The following SLC24A1 variants were observed in gnomAD, a reference collection of about 807,000 sequenced individuals.
The protein encoded by SLC24A1 is sodium/potassium/calcium exchanger 1.
Under a neutral mutation model 88.1 loss-of-function variants are expected in SLC24A1, and 52 were observed. That is an observed-to-expected ratio of 0.59 (90% CI 0.47 to 0.74). The LOEUF (loss-of-function observed/expected upper bound fraction) is 0.74, where lower values mean the gene tolerates loss of function less well. SLC24A1 is among the 30% of genes least tolerant of loss of function. SLC24A1 has a pLI of 0.00. For missense variants in SLC24A1, 1,173 were observed against 1,363.3 expected, an observed-to-expected ratio of 0.86 and a Z score of 2.20; for synonymous variants, 455 against 498.0, an observed-to-expected ratio of 0.91 and a Z score of 1.15.
At chr15:65,639,217 C>T (rs1455283551) in intron 3 of SLC24A1, among the ~76,000 whole-genome samples, 1 of 152,150 alleles carries the variant, frequency 6.6e-6, no homozygotes, top group African/African-American at 2.4e-5. Flanking sequence ...TCTTTGTGGA[C>T]TGTAAAGGGC....
rs184915931 is a variant in SLC24A1 at position 65,625,058 on chromosome 15, C to A, written c.978C>A (p.Ser326Arg). The change falls in exon 2 of 10, where the codon AGC becomes AGA. Residue 326 changes from serine (S) to arginine (R), a missense_variant. Coordinates refer to ENST00000261892, the MANE Select transcript of SLC24A1 (RefSeq NM_004727.3). Reference protein sequence around the residue: ...PATSEGQVTISTMTGSSPAET... With the variant: ...PATSEGQVTIRTMTGSSPAET... ...CCTCTGAGGGGCAGGTGACAATAAG[C>A]ACCATGACAGGCAGCAGCCCAGCAG... 104 of 1,613,800 alleles carry A rather than the reference C, an allele frequency of 6.4e-5. No individual in the cohort carries two copies. In the African/African-American group the frequency reaches 1.3e-3, roughly 20 times the overall value.
chr15:65,643,070 C>A, intron 4 of SLC24A1: 1 of 1,274,096 alleles, frequency 7.8e-7, no homozygotes, highest in South Asian at 1.2e-5. Context: ...GTTGTTGTTA[C>A]AGCTAAAAGT....
chr15:65,630,746 G>C (rs769863360), intron 2 of SLC24A1, among the ~76,000 whole-genome samples: 8 of 152,196 alleles, frequency 5.3e-5, no homozygotes, highest in Non-Finnish European at 1.0e-4. Context: ...CGAGGTGGGT[G>C]GATCACTTGA....
chr15:65,650,976 TC>T lies in SLC24A1; in HGVS notation c.2793+38del. On this transcript the variant is annotated intron_variant, in intron 7 of 9. Transcript: ENST00000261892. This position sits in a 1 kb window ranked among gnomAD's most constrained non-coding sequence, Gnocchi z 4.1. Reference sequence around the variant, plus strand: ...GCCCATCTGTATCTCAGACTCTTTATCCCCAGCAGGGCTGTGGGGTCTCTCG... The same window carrying T: ...GCCCATCTGTATCTCAGACTCTTTATCCCAGCAGGGCTGTGGGGTCTCTCG... 3.2e-6 allele frequency: 5 copies of T among 1,586,250 alleles called. No individual in the cohort carries two copies. Among genetic ancestry groups the T allele is most frequent in the Non-Finnish European group, 4.3e-6 (5 of 1,154,884 alleles).
At chr15:65,623,157 C>G (rs992730702) in intron 1 of SLC24A1, among the ~76,000 whole-genome samples, 1 of 152,170 alleles carries the variant, frequency 6.6e-6, no homozygotes, top group African/African-American at 2.4e-5. Context: ...ATAAAAAGGT[C>G]AAACTAACAG....
At chr15:65,611,441 CT>C in exon 1 of SLC24A1, 1 of 533,270 alleles carries the variant, frequency 1.9e-6, no homozygotes, top group African/African-American at 1.9e-5. Flanking sequence ...GGGCTCTTTC[CT>C]TCCCCTTCTG....
chr15:65,636,889 A>ATAATAATAATAG (rs1466909871), intron 2 of SLC24A1, among the ~76,000 whole-genome samples: 3 of 149,868 alleles, frequency 2.0e-5, no homozygotes, highest in African/African-American at 4.9e-5. Flanking sequence ...AATAATAATA[A>ATAATAATAATAG]TAATAGTAAT....
Position 65,624,586 on chromosome 15 carries a change from C to A in SLC24A1, c.506C>A (p.Thr169Lys). 6.3e-7 allele frequency: 1 copy of A among 1,594,434 alleles called. No individual in the cohort carries two copies. Among genetic ancestry groups the A allele is most frequent in the Non-Finnish European group, 8.5e-7 (1 of 1,170,454 alleles). Residue 169 changes from threonine to lysine, a missense_variant, in exon 2 of 10, where the codon ACA becomes AAA. Coordinates refer to ENST00000261892, the MANE Select transcript of SLC24A1 (RefSeq NM_004727.3). ...SRQIVKKYTP[T>K]PRGEMKSYSP... ...CAAATAGTAAAAAAGTATACCCCAA[C>A]ACCCAGGGGAGAAATGAAGAGCTAC... is the stretch of plus-strand genomic sequence containing the variant.
intron 5 of SLC24A1, 76 bp from the exon 6 acceptor site, chr15:65,645,536 T>G: frequency 8.9e-7 from 1 of 1,118,462 alleles, no homozygotes; most frequent in East Asian, 2.6e-5. Flanking sequence ...CTGTAGCCAC[T>G]TATGCCAGTG....
chr15:65,638,320 T>C, intron 3 of SLC24A1, 139 bp downstream of exon 3: 1 of 648,440 alleles, frequency 1.5e-6, no homozygotes, highest in Non-Finnish European at 2.8e-6. Flanking sequence ...GCTGCCAGGG[T>C]GAGGCAAGGG....
At chr15:65,642,901 C>T (rs1043505439) in intron 4 of SLC24A1, 32 of 852,914 alleles carry the variant, frequency 3.8e-5, no homozygotes, top group Admixed American at 7.2e-5. Context: ...CCAGCTTCTC[C>T]GTTTCCTCTC....
chr15:65,656,201 G>C lies in SLC24A1; in HGVS notation c.*2122G>C. ...AAGGAGTGATGGACCGTAAAATGCT[G>C]TGTAATGATAAAAGGCTGAAATATC... On this transcript the variant is annotated 3_prime_UTR_variant, in exon 10 of 10. Coordinates refer to ENST00000261892, the MANE Select transcript of SLC24A1 (RefSeq NM_004727.3). 1.0e-6 allele frequency: 1 copy of C among 984,622 alleles called. No individual in the cohort carries two copies. The highest frequency in any genetic ancestry group is 1.2e-6 in the Non-Finnish European group (1 of 829,228). 61.0% of individuals were successfully genotyped at this position (984,622 alleles called of 1,614,324 possible).
At position 65,654,099 on chromosome 15, in the gene SLC24A1, A is replaced by AATGGGC. The variant is rs774790748; in HGVS notation, c.*25_*30dup. On this transcript the variant is annotated 3_prime_UTR_variant, in exon 10 of 10. Coordinates refer to ENST00000261892, the MANE Select transcript of SLC24A1 (RefSeq NM_004727.3). ...GTCTGAATCAGTCACTCTTGCTCAC[A>AATGGGC]ATGGGCATGGATCAGAAGACCATGC... The AATGGGC allele has an allele frequency of 1.1e-5, 17 of 1,605,864 alleles. No individual in the cohort carries two copies. The South Asian group carries it at 1.9e-4, about 18-fold the overall frequency.
downstream of SLC24A1, chr15:65,660,354 CT>C (rs1566976109): frequency 3.3e-5 from 50 of 1,507,274 alleles, no homozygotes; most frequent in Non-Finnish European, 4.5e-5. Flanking sequence ...TTTTCTGCAG[CT>C]GAACTGATTC....
rs1226395831 is a variant in SLC24A1 at position 65,652,717 on chromosome 15, C to T, written c.2959C>T (p.Leu987Phe). ...TGCAGCAGGCACATCAATTCCTGAC[C>T]TCATCACCAGTGTGATTGTCGCTCG... ...ILAAGTSIPD[L>F]ITSVIVARKG... Residue 987 changes from leucine (L) to phenylalanine (F), a missense_variant, in exon 9 of 10, where the codon CTC (leucine) becomes TTC (phenylalanine). Transcript: ENST00000261892. 1 of 1,613,908 alleles carries T rather than the reference C, an allele frequency of 6.2e-7. No homozygotes were observed. The highest frequency in any genetic ancestry group is 1.1e-5 in the South Asian group (1 of 91,078).
Position 65,653,817 on chromosome 15 carries a change from T to C in SLC24A1, c.3051-13T>C, listed in dbSNP as rs1213170089. 3 of 1,612,672 alleles carry C rather than the reference T, an allele frequency of 1.9e-6. No individual in the cohort carries two copies. Among genetic ancestry groups the C allele is most frequent in the Non-Finnish European group, 2.5e-6 (3 of 1,179,082 alleles). ...ACATTAAGGATATTCACATCGTTTCTTCAATCTTGCAGCTTGCCTGTTCCT... is the reference window on the plus strand; with the variant it reads ...ACATTAAGGATATTCACATCGTTTCCTCAATCTTGCAGCTTGCCTGTTCCT... On this transcript the variant is annotated splice_polypyrimidine_tract_variant and intron_variant, in intron 9 of 9. Coordinates refer to ENST00000261892, the MANE Select transcript of SLC24A1 (RefSeq NM_004727.3).
At chr15:65,657,415 G>A (rs2075718182), downstream of SLC24A1, among the ~76,000 whole-genome samples, 1 of 152,136 alleles carries the variant, frequency 6.6e-6, no homozygotes, top group Admixed American at 6.5e-5. Flanking sequence ...GCCAAGGTGG[G>A]CGGATCACGA....
At chr15:65,629,227 G>C (rs947338304) in intron 2 of SLC24A1, among the ~76,000 whole-genome samples, 1 of 152,218 alleles carries the variant, frequency 6.6e-6, no homozygotes, top group African/African-American at 2.4e-5. Context: ...CTGAGCTGGA[G>C]CATCTTTCAC....
downstream of SLC24A1, chr15:65,658,381 A>G (rs1248701144): frequency 6.6e-6 from 1 of 152,244 alleles, no homozygotes; most frequent in Non-Finnish European, 1.5e-5. Context: ...TCAAAGAGAC[A>G]GCCTGCTCTT....
Sources: allele counts gnomAD v4.1 joint callset (sites outside exome capture counted in the v4.1 genomes callset), GRCh38; gene constraint gnomAD v4.1.1; non-coding constraint Gnocchi (gnomAD v3.1); transcripts MANE v1.5; gene names NCBI Gene and HGNC (gene_info 2026-07-23, HGNC 2026-07-21).